HNRNPUL1: variants seen among roughly 807,000 people sequenced by gnomAD.
The protein encoded by HNRNPUL1 is heterogeneous nuclear ribonucleoprotein U-like protein 1.
In HNRNPUL1, 14 loss-of-function variants were observed where a neutral mutation model predicts 108.5. The observed-to-expected ratio is 0.13, with a 90% CI of 0.09 to 0.20. The LOEUF (loss-of-function observed/expected upper bound fraction) is 0.20. Ranked by LOEUF, HNRNPUL1 falls within the 10% of genes least tolerant of loss-of-function variation. HNRNPUL1 has a pLI of 1.00. For missense variants in HNRNPUL1, 804 were observed against 1,168.3 expected (o/e 0.69, Z 4.55); for synonymous variants, 422 against 445.2 (o/e 0.95, Z 0.66).
At chr19:41,280,448 C>CAT (rs1411819394) in intron 6 of HNRNPUL1, among the ~76,000 whole-genome samples, 11 of 151,912 alleles carry the variant, frequency 7.2e-5, no homozygotes, top group Non-Finnish European at 1.5e-4. Flanking sequence ...ATTTAAGACT[C>CAT]ATAAGTCATC....
chr19:41,303,736 G>T (rs751572868), intron 12 of HNRNPUL1, among the ~76,000 whole-genome samples: 10 of 152,150 alleles, frequency 6.6e-5, no homozygotes, highest in Non-Finnish European at 1.3e-4. Flanking sequence ...GACTGCCTTG[G>T]TCTCTGCCTC....
At chr19:41,287,610 A>G (rs2036312181) in intron 7 of HNRNPUL1, among the ~76,000 whole-genome samples, 4 of 151,956 alleles carry the variant, frequency 2.6e-5, no homozygotes, top group Admixed American at 2.6e-4. Context: ...CCCAATCTGG[A>G]GTGCAGTGGC....
chr19:41,294,802 T>C lies in HNRNPUL1; in HGVS notation c.1518+116T>C. On this transcript the variant is annotated intron_variant, in intron 10 of 14. Transcript: ENST00000392006. This position sits in a 1 kb window ranked among gnomAD's most constrained non-coding sequence, Gnocchi z 4.3. ...CCGTAATGATGATGGACTGCTGTGC[T>C]AGTCGGGGGGGTCAGACCTTGTCAT... 10 of 1,260,972 alleles carry C rather than the reference T, an allele frequency of 7.9e-6. No homozygotes were observed. The highest frequency in any genetic ancestry group is 1.1e-5 in the Non-Finnish European group (10 of 889,422). 78.1% of individuals were successfully genotyped at this position (1,260,972 alleles called of 1,614,324 possible).
intron 8 of HNRNPUL1, among the ~76,000 whole-genome samples, chr19:41,293,535 A>G (rs2036712021): frequency 6.6e-6 from 1 of 152,206 alleles, no homozygotes; most frequent in Non-Finnish European, 1.5e-5. Flanking sequence ...ATCTGTGTTT[A>G]CCAAATTCTA....
chr19:41,301,751 A>G (rs2037224768), intron 11 of HNRNPUL1, 47 bp downstream of exon 11: 2 of 1,519,762 alleles, frequency 1.3e-6, no homozygotes, highest in East Asian at 4.6e-5. Context: ...AGGGTCCTGG[A>G]GAGAAGAAGC....
chr19:41,268,062 C>T, intron 1 of HNRNPUL1, 161 bp from the exon 2 acceptor site: 1 of 602,324 alleles, frequency 1.7e-6, no homozygotes, highest in South Asian at 2.7e-5. Flanking sequence ...TCAGCTGTAT[C>T]CCAGGCTCTG....
intron 7 of HNRNPUL1, chr19:41,291,863 CCCA>C: frequency 4.9e-6 from 1 of 202,222 alleles, no homozygotes; most frequent in Non-Finnish European, 1.0e-5. Flanking sequence ...TGCCTGTAGT[CCCA>C]GCTACTCAGG....
At chr19:41,268,138 G>A in intron 1 of HNRNPUL1, 85 bp from the exon 2 acceptor site, 1 of 1,360,720 alleles carries the variant, frequency 7.3e-7, no homozygotes. Flanking sequence ...TGAGCTCCTG[G>A]ACCTGCAGAT....
chr19:41,265,003 G>A, intron 1 of HNRNPUL1: 1 of 1,393,780 alleles, frequency 7.2e-7, no homozygotes, highest in Non-Finnish European at 9.3e-7. Context: ...GGGGACACTG[G>A]GGGAGGGGCC....
intron 7 of HNRNPUL1, among the ~76,000 whole-genome samples, chr19:41,282,759 G>T (rs1427204129): frequency 6.9e-6 from 1 of 145,802 alleles, no homozygotes; most frequent in Non-Finnish European, 1.5e-5. Flanking sequence ...GCGGGATCTC[G>T]GCTCACTGCA....
At chr19:41,295,895 C>T (rs1478633908) in intron 10 of HNRNPUL1, among the ~76,000 whole-genome samples, 1 of 152,188 alleles carries the variant, frequency 6.6e-6, no homozygotes, top group Non-Finnish European at 1.5e-5. Flanking sequence ...AAAAGCCATC[C>T]GTGGTTATCC....
At chr19:41,268,658 A>T (rs1231816015) in intron 2 of HNRNPUL1, among the ~76,000 whole-genome samples, 1 of 152,082 alleles carries the variant, frequency 6.6e-6, no homozygotes, top group East Asian at 1.9e-4. Flanking sequence ...CTGGAGTTCG[A>T]GACCAGCCTG....
At position 41,294,514 on chromosome 19, in the gene HNRNPUL1, C is replaced by T. The variant is rs926985572; in HGVS notation, c.1390-44C>T. On this transcript the variant is annotated intron_variant, in intron 9 of 14. Transcript: ENST00000392006. The surrounding 1 kb of genome is among the most constrained non-coding windows in gnomAD (Gnocchi z 4.3). ...TCACCTCCAACCTACTGAGTGCTGC[C>T]CTGCAACTAAAATCACTCACCCCTC... is the stretch of plus-strand genomic sequence containing the variant. The T allele has an allele frequency of 1.9e-6, 3 of 1,613,626 alleles. No homozygotes were observed. The highest frequency in any genetic ancestry group is 2.7e-5 in the African/African-American group (2 of 74,904).
chr19:41,302,460 C>T (rs1176838457), intron 11 of HNRNPUL1: 2 of 657,044 alleles, frequency 3.0e-6, no homozygotes, highest in Admixed American at 2.1e-5. Flanking sequence ...CTCAGGTGAT[C>T]CACCCGCCTC....
intron 10 of HNRNPUL1, among the ~76,000 whole-genome samples, chr19:41,297,315 TG>T (rs2036949300): frequency 6.6e-6 from 1 of 152,206 alleles, no homozygotes; most frequent in Admixed American, 6.5e-5. Context: ...GGAGGTGGAA[TG>T]TCTGAGTCGG....
At chr19:41,264,175 G>A (rs1278622766), upstream of HNRNPUL1, among the ~76,000 whole-genome samples, 1 of 152,230 alleles carries the variant, frequency 6.6e-6, no homozygotes, top group Non-Finnish European at 1.5e-5. Flanking sequence ...CCCGCCCTCC[G>A]CTCCGGCCTC....
At chr19:41,274,976 C>CT (rs1479590521) in intron 4 of HNRNPUL1, among the ~76,000 whole-genome samples, 1 of 152,128 alleles carries the variant, frequency 6.6e-6, no homozygotes, top group Non-Finnish European at 1.5e-5. Flanking sequence ...GACGGTCAGC[C>CT]TTTAGAGAAA....
Position 41,302,862 on chromosome 19 carries a change from T to C in HNRNPUL1, c.1885T>C (p.Tyr629His), listed in dbSNP as rs1171831720. The stretch of plus-strand genomic sequence containing the variant: ...CGGGGGTGGTGGTGGCTTCCAGCGC[T>C]ATGAAAACCGAGGACCCCCTGGAGG... ...GRGGGGGFQR[Y>H]ENRGPPGGNR... The change falls in exon 12 of 15, where the codon TAT (tyrosine) becomes CAT (histidine). Residue 629 changes from tyrosine (Y) to histidine (H), a missense_variant. Tyr to His is a moderately conservative substitution (Grantham distance 83). Coordinates refer to ENST00000392006, the MANE Select transcript of HNRNPUL1 (RefSeq NM_007040.6). 5 of 1,572,200 alleles carry C rather than the reference T, an allele frequency of 3.2e-6. No individual in the cohort carries two copies. Among genetic ancestry groups the C allele is most frequent in the Non-Finnish European group, 4.3e-6 (5 of 1,158,262 alleles).
rs567150808 is a variant in HNRNPUL1 at position 41,273,953 on chromosome 19, G to A, written c.573-29G>A. The A allele has an allele frequency of 3.2e-6, 5 of 1,570,912 alleles. No homozygotes were observed. In the African/African-American group the frequency reaches 6.7e-5, roughly 21 times the overall value. On this transcript the variant is annotated intron_variant, in intron 3 of 14. Coordinates refer to ENST00000392006, the MANE Select transcript of HNRNPUL1 (RefSeq NM_007040.6). Reference sequence around the variant, plus strand: ...TCCTTTGTGCTCATCCATTGTTCTTGTATGACTTAACCCCTGTTTCTAATA... The same window carrying A: ...TCCTTTGTGCTCATCCATTGTTCTTATATGACTTAACCCCTGTTTCTAATA...
Sources: allele counts gnomAD v4.1 joint callset (sites outside exome capture counted in the v4.1 genomes callset), GRCh38; gene constraint gnomAD v4.1.1; non-coding constraint Gnocchi (gnomAD v3.1); transcripts MANE v1.5; gene names NCBI Gene and HGNC (gene_info 2026-07-23, HGNC 2026-07-21).